Variants in PHF24 observed in about 807,000 individuals in gnomAD.
PHF24 encodes PHD finger protein 24, also known as Galpha inhibitory interacting protein.
PHF24 carries 25 observed loss-of-function variants against 42.6 expected under a neutral mutation model. The ratio of observed to expected loss-of-function variants is 0.59; its 90% CI spans 0.43 to 0.82. The LOEUF (loss-of-function observed/expected upper bound fraction) is 0.82, where lower values mean the gene tolerates loss of function less well. Ranked by LOEUF, PHF24 falls within the 40% of genes least tolerant of loss-of-function variation. PHF24 has a pLI of 0.00. For synonymous variants in PHF24, 185 were observed against 204.8 expected (o/e 0.90, Z 0.83); for missense variants, 470 against 538.1 (o/e 0.87, Z 1.25).
chr9:34,701,710 C>T, the PHF24 span, among the ~76,000 whole-genome samples: 1 of 151,864 alleles, frequency 6.6e-6, no homozygotes, highest in Non-Finnish European at 1.5e-5. The surrounding 1 kb of genome is among the most constrained non-coding windows in gnomAD (Gnocchi z 5.8). Flanking sequence ...TGACCTGGGC[C>T]GACAGTTACC....
the PHF24 span, among the ~76,000 whole-genome samples, chr9:34,728,904 G>A: frequency 1.3e-5 from 2 of 152,114 alleles, no homozygotes; most frequent in Admixed American, 1.3e-4. Flanking sequence ...AGTCCTGCTG[G>A]ATGCTGAGGA....
At chr9:34,810,073 C>G in the PHF24 span, among the ~76,000 whole-genome samples, 2 of 151,878 alleles carry the variant, frequency 1.3e-5, no homozygotes, top group Admixed American at 1.3e-4. Context: ...GCATGCTGTC[C>G]GCCCTCAGCC....
chr9:34,922,550 A>C, the PHF24 span: 1 of 966,870 alleles, frequency 1.0e-6, no homozygotes, highest in South Asian at 1.3e-5. Context: ...AATGGTAGTG[A>C]TCTCCTTTCA....
At chr9:34,835,715 C>T in the PHF24 span, 1 of 1,551,304 alleles carries the variant, frequency 6.4e-7, no homozygotes, top group South Asian at 1.2e-5. Context: ...GCCCAGTAAT[C>T]TTGTATGCCA....
chr9:34,724,274 G>A, the PHF24 span: 10 of 1,551,404 alleles, frequency 6.4e-6, no homozygotes, highest in African/African-American at 1.1e-4. Flanking sequence ...GACCGAGTGG[G>A]CAGAACCCTG....
chr9:34,972,282 G>C (rs753805021), intron 2 of PHF24, 64 bp from the exon 3 acceptor site: 3 of 1,455,622 alleles, frequency 2.1e-6, no homozygotes, highest in Non-Finnish European at 2.8e-6. Flanking sequence ...TCTGTGCTTA[G>C]TGGCCTTGGA....
At chr9:34,840,360 C>A in the PHF24 span, among the ~76,000 whole-genome samples, 4 of 126,232 alleles carry the variant, frequency 3.2e-5, no homozygotes, top group Non-Finnish European at 6.5e-5. Context: ...ATGTTTTATT[C>A]ACAAAGGGAA....
At chr9:34,950,146 C>G in the PHF24 span, among the ~76,000 whole-genome samples, 1 of 151,494 alleles carries the variant, frequency 6.6e-6, no homozygotes, top group Non-Finnish European at 1.5e-5. Context: ...GTCAGGAGTT[C>G]GAGACCAGCT....
chr9:34,955,299 G>A (rs952607314), upstream of PHF24, among the ~76,000 whole-genome samples: 26 of 148,186 alleles, frequency 1.8e-4, no homozygotes, highest in East Asian at 2.0e-4. Flanking sequence ...TTTGGCATAT[G>A]TTTGCCATAG....
the PHF24 span, chr9:34,724,119 C>T: frequency 3.0e-5 from 46 of 1,534,932 alleles, no homozygotes; most frequent in Admixed American, 1.2e-4. Context: ...AGCATGGGGA[C>T]ATGGGCTGGG....
chr9:34,707,766 C>T, the PHF24 span, among the ~76,000 whole-genome samples: 69 of 152,070 alleles, frequency 4.5e-4, no homozygotes, highest in Middle Eastern at 3.4e-3. Flanking sequence ...TTGCTCTTGT[C>T]GCCCAGACTG....
the PHF24 span, among the ~76,000 whole-genome samples, chr9:34,852,559 G>C: frequency 6.6e-6 from 1 of 152,146 alleles, no homozygotes; most frequent in East Asian, 1.9e-4. Flanking sequence ...ATAGTTCATT[G>C]TCAGTTTCTT....
the PHF24 span, among the ~76,000 whole-genome samples, chr9:34,763,241 A>T: frequency 1.3e-5 from 2 of 152,158 alleles, no homozygotes; most frequent in Non-Finnish European, 2.9e-5. Context: ...GAAGAAAGTC[A>T]TTGGTAGCTT....
At chr9:34,971,441 T>C in exon 2 of PHF24, 9 of 1,613,814 alleles carry the variant, frequency 5.6e-6, no homozygotes, top group Non-Finnish European at 7.6e-6. Context: ...CGTGGCACTG[T>C]AGAGGGCTCC....
chr9:34,757,155 G>A, the PHF24 span, among the ~76,000 whole-genome samples: 1 of 151,936 alleles, frequency 6.6e-6, no homozygotes, highest in Non-Finnish European at 1.5e-5. Flanking sequence ...CACCCACTTC[G>A]GTCTCCCAAA....
At chr9:34,824,121 G>A in the PHF24 span, among the ~76,000 whole-genome samples, 1 of 152,222 alleles carries the variant, frequency 6.6e-6, no homozygotes, top group Non-Finnish European at 1.5e-5. Context: ...CAGCTTGGCA[G>A]GTAAGAGCCA....
At chr9:34,723,855 G>A in the PHF24 span, 1 of 1,551,678 alleles carries the variant, frequency 6.4e-7, no homozygotes, top group South Asian at 1.2e-5. Context: ...TTCTCCCCAG[G>A]GACTCGTGGA....
chr9:34,717,080 TC>T, the PHF24 span, among the ~76,000 whole-genome samples: 1 of 152,192 alleles, frequency 6.6e-6, no homozygotes, highest in Non-Finnish European at 1.5e-5. Flanking sequence ...GGCATTCAGC[TC>T]CTGGGGAGAG....
the PHF24 span, among the ~76,000 whole-genome samples, chr9:34,667,793 CAG>C: frequency 2.6e-5 from 4 of 152,144 alleles, no homozygotes; most frequent in Non-Finnish European, 5.9e-5. Flanking sequence ...AATCTGGAGT[CAG>C]AGAGAATGGA....
Sources: gnomAD v4.1 joint callset for allele counts (sites outside exome capture counted in the v4.1 genomes callset) on GRCh38, gnomAD v4.1.1 for gene constraint, Gnocchi (gnomAD v3.1) non-coding constraint, MANE v1.5 for transcripts, NCBI Gene and HGNC (gene_info 2026-07-23, HGNC 2026-07-21) for gene names.